The following DSCAML1 variants were observed in gnomAD, a reference collection of about 807,000 sequenced individuals.
The protein encoded by DSCAML1 is cell adhesion molecule DSCAML1.
In DSCAML1, 38 loss-of-function variants were observed where a neutral mutation model predicts 200.5. That is an observed-to-expected ratio of 0.19 (90% confidence interval 0.15 to 0.25). The LOEUF is 0.25. Ranked by LOEUF, DSCAML1 falls within the 10% of genes least tolerant of loss-of-function variation. The probability of loss-of-function intolerance (pLI) is 1.00; values close to 1 mark genes in which losing one functional copy is unlikely to be tolerated. For synonymous variants in DSCAML1, 1,215 were observed against 1,165.0 expected (o/e 1.04, Z -0.87); for missense variants, 2,223 against 2,858.8 (o/e 0.78, Z 5.07).
chr11:117,790,599 G>A (rs1289880496), intron 1 of DSCAML1, among the ~76,000 whole-genome samples: 1 of 152,216 alleles, frequency 6.6e-6, no homozygotes, highest in Non-Finnish European at 1.5e-5. Context: ...AAACGGGTTT[G>A]CTGTGGTTTT....
At chr11:117,816,530 G>T (rs2055808551) in intron 1 of DSCAML1, among the ~76,000 whole-genome samples, 1 of 152,232 alleles carries the variant, frequency 6.6e-6, no homozygotes, top group Non-Finnish European at 1.5e-5. Flanking sequence ...TGGGGCCATG[G>T]ATCAACAGGG....
At chr11:117,743,329 G>A (rs556884764) in intron 3 of DSCAML1, among the ~76,000 whole-genome samples, 2 of 152,188 alleles carry the variant, frequency 1.3e-5, no homozygotes, top group Non-Finnish European at 2.9e-5. Flanking sequence ...AGTCCCCAGA[G>A]GGTTACAGTA....
intron 3 of DSCAML1, among the ~76,000 whole-genome samples, chr11:117,648,865 G>A (rs973189174): frequency 1.3e-5 from 2 of 152,118 alleles, no homozygotes; most frequent in Admixed American, 6.5e-5. Flanking sequence ...TCCTGGGAAG[G>A]CAAGTGCCTG....
chr11:117,610,617 A>T (rs2051669932), intron 3 of DSCAML1, among the ~76,000 whole-genome samples: 2 of 151,788 alleles, frequency 1.3e-5, no homozygotes, highest in South Asian at 4.2e-4. Context: ...GACACCCTGC[A>T]CTTTTATCCC....
intron 3 of DSCAML1, among the ~76,000 whole-genome samples, chr11:117,665,421 C>T (rs11216491): frequency 0.22 from 33,607 of 152,152 alleles, 4,812 homozygotes; most frequent in Non-Finnish European, 0.3. Flanking sequence ...ACAGAGTACG[C>T]GAGCTGTGGT....
At chr11:117,442,630 C>T (rs1237764751) in intron 21 of DSCAML1, among the ~76,000 whole-genome samples, 1 of 152,064 alleles carries the variant, frequency 6.6e-6, no homozygotes, top group Non-Finnish European at 1.5e-5. Flanking sequence ...TCTCTAGGAC[C>T]GTGTTTATTT....
chr11:117,650,060 C>G (rs1290367655), intron 3 of DSCAML1, among the ~76,000 whole-genome samples: 1 of 152,206 alleles, frequency 6.6e-6, no homozygotes, highest in Non-Finnish European at 1.5e-5. Context: ...TTTCAGTTTC[C>G]TCTTTTTAGG....
intron 3 of DSCAML1, among the ~76,000 whole-genome samples, chr11:117,737,884 T>G (rs1478936050): frequency 6.6e-6 from 1 of 152,086 alleles, no homozygotes; most frequent in Non-Finnish European, 1.5e-5. Context: ...AGCAGTCCAG[T>G]GTGGTTGTGA....
At chr11:117,647,950 G>T (rs1051272378) in intron 3 of DSCAML1, among the ~76,000 whole-genome samples, 3 of 152,200 alleles carry the variant, frequency 2.0e-5, no homozygotes, top group Non-Finnish European at 4.4e-5. Flanking sequence ...GCACGATGGG[G>T]CTTCTGGTCC....
intron 3 of DSCAML1, among the ~76,000 whole-genome samples, chr11:117,640,889 CTG>C (rs751201170): frequency 5.9e-5 from 9 of 152,132 alleles, no homozygotes; most frequent in Middle Eastern, 3.2e-3. Context: ...TTGTTCCCTG[CTG>C]TGTGTGTGTT....
At chr11:117,577,517 CCTTCCTTCCTTCCTTCCTTTCCTTCCT>C (rs2050965418) in intron 3 of DSCAML1, among the ~76,000 whole-genome samples, 1 of 49,890 alleles carries the variant, frequency 2.0e-5, no homozygotes. Flanking sequence ...CTCCTTCCTT[CCTTCCTTCCTTCCTTCCTTTCCTTCCT>C]TCCCTCCCTC....
At chr11:117,760,968 C>A (rs1361202099) in intron 3 of DSCAML1, among the ~76,000 whole-genome samples, 2 of 152,170 alleles carry the variant, frequency 1.3e-5, no homozygotes, top group Non-Finnish European at 2.9e-5. Flanking sequence ...TAGCCCTATC[C>A]CTACCACACT....
At chr11:117,629,667 G>C (rs749442408) in intron 3 of DSCAML1, among the ~76,000 whole-genome samples, 1 of 152,106 alleles carries the variant, frequency 6.6e-6, no homozygotes, top group Non-Finnish European at 1.5e-5. Flanking sequence ...CTTGGAAAAG[G>C]TGGGAGGGAG....
At chr11:117,635,044 G>A (rs1367841079) in intron 3 of DSCAML1, among the ~76,000 whole-genome samples, 1 of 152,214 alleles carries the variant, frequency 6.6e-6, no homozygotes, top group South Asian at 2.1e-4. Context: ...ACCCATGATA[G>A]GTCGCACAAC....
At chr11:117,781,070 GC>G (rs1010448498) in intron 1 of DSCAML1, among the ~76,000 whole-genome samples, 8 of 152,178 alleles carry the variant, frequency 5.3e-5, no homozygotes, top group African/African-American at 1.7e-4. Flanking sequence ...GCCGAGGCGG[GC>G]GGATCACCTG....
At chr11:117,472,094 A>C in intron 14 of DSCAML1, 58 bp from the exon 15 acceptor site, 1 of 1,592,910 alleles carries the variant, frequency 6.3e-7, no homozygotes, top group Non-Finnish European at 8.6e-7. Context: ...ACCCCTTCCC[A>C]GCCTGAAGTA....
Position 117,466,503 on chromosome 11 carries a change from C to G in DSCAML1, c.3025-1321G>C, listed in dbSNP as rs528039682. Among the ~76,000 whole-genome samples, 5 of 152,264 alleles carry G rather than the reference C, an allele frequency of 3.3e-5. No homozygotes were observed. In the South Asian group the frequency reaches 1.0e-3, roughly 32 times the overall value. On this transcript the variant is annotated intron_variant, in intron 16 of 32. Transcript: ENST00000651296. ...ATCAGTTGAGTCAGGAGTTCGAGACCAGTCTGGCCAACATGGTGAAACCCC... is the reference window on the plus strand; with the variant it reads ...ATCAGTTGAGTCAGGAGTTCGAGACGAGTCTGGCCAACATGGTGAAACCCC...
intron 8 of DSCAML1, among the ~76,000 whole-genome samples, chr11:117,515,866 G>A (rs1314993304): frequency 2.6e-5 from 4 of 151,914 alleles, no homozygotes; most frequent in African/African-American, 7.3e-5. Context: ...TGATCCACCC[G>A]CCTCGGCCTC....
intron 28 of DSCAML1, 55 bp from the exon 29 acceptor site, chr11:117,433,311 G>C (rs199872880): frequency 9.9e-5 from 155 of 1,573,426 alleles, no homozygotes; most frequent in Middle Eastern, 8.5e-4. Flanking sequence ...GGTTGGGGAA[G>C]GGGGCTCTGC....
Sources: allele counts gnomAD v4.1 joint callset (sites outside exome capture counted in the v4.1 genomes callset), GRCh38; gene constraint gnomAD v4.1.1; transcripts MANE v1.5; gene names NCBI Gene and HGNC (gene_info 2026-07-23, HGNC 2026-07-21).